DGKH: variants seen among roughly 807,000 people sequenced by gnomAD.
DGKH encodes diacylglycerol kinase eta.
In DGKH, 90 loss-of-function variants were observed where a neutral mutation model predicts 159.3. The ratio of observed to expected loss-of-function variants is 0.57; its 90% CI spans 0.48 to 0.67. The LOEUF (loss-of-function observed/expected upper bound fraction) is 0.67, where lower values mean the gene tolerates loss of function less well. Among genes scored for constraint, DGKH ranks in the 30% least tolerant of loss-of-function variants. The pLI, the probability that DGKH is intolerant of heterozygous loss-of-function variation, is 0.00. For missense variants in DGKH, 1,181 were observed against 1,506.1 expected, an observed-to-expected ratio of 0.78 and a Z score of 3.57; for synonymous variants, 536 against 553.8, an observed-to-expected ratio of 0.97 and a Z score of 0.45.
At chr13:42,155,468 G>T (rs542334578) in intron 4 of DGKH, 73 bp downstream of exon 4, 4 of 1,505,458 alleles carry the variant, frequency 2.7e-6, no homozygotes, top group Admixed American at 1.8e-5. Context: ...GAGCTCTACC[G>T]TGCAAACATA....
intron 6 of DGKH, 105 bp downstream of exon 6, chr13:42,159,477 T>A: frequency 2.5e-6 from 2 of 809,986 alleles, no homozygotes; most frequent in Non-Finnish European, 4.1e-6. Context: ...TATTAGGATT[T>A]AATAGAAGGT....
chr13:42,113,312 G>A (rs1242775181), intron 1 of DGKH, among the ~76,000 whole-genome samples: 2 of 152,112 alleles, frequency 1.3e-5, no homozygotes, highest in East Asian at 1.9e-4. Flanking sequence ...AGTCTTTTAA[G>A]CCTGATAATT....
chr13:42,204,109 C>G (rs566444152), intron 20 of DGKH, among the ~76,000 whole-genome samples: 1 of 152,034 alleles, frequency 6.6e-6, no homozygotes, highest in Non-Finnish European at 1.5e-5. Context: ...TTTTCCATAC[C>G]ATGTTTGCAA....
At chr13:42,071,580 T>G (rs1324624454) in intron 1 of DGKH, among the ~76,000 whole-genome samples, 2 of 152,254 alleles carry the variant, frequency 1.3e-5, no homozygotes, top group African/African-American at 4.8e-5. Context: ...ATTTGCGTTT[T>G]GCTTCTTTTC....
At chr13:42,044,608 C>T (rs144629892), upstream of DGKH, among the ~76,000 whole-genome samples, 526 of 152,244 alleles carry the variant, frequency 3.5e-3, 2 homozygotes, top group African/African-American at 0.012. Context: ...TTTCTTAAAA[C>T]GCAGCCATGT....
intron 20 of DGKH, among the ~76,000 whole-genome samples, chr13:42,200,719 C>T (rs575939474): frequency 1.3e-5 from 2 of 152,288 alleles, no homozygotes; most frequent in South Asian, 4.2e-4. Flanking sequence ...AGGTGTCTCG[C>T]TCATTCTTTA....
At chr13:42,129,003 A>G (rs1287440405) in intron 2 of DGKH, among the ~76,000 whole-genome samples, 1 of 152,242 alleles carries the variant, frequency 6.6e-6, no homozygotes, top group Non-Finnish European at 1.5e-5. Context: ...AGGATTTCCT[A>G]CTTGCTACCT....
At chr13:42,086,580 G>A (rs2137733419) in intron 1 of DGKH, among the ~76,000 whole-genome samples, 1 of 152,206 alleles carries the variant, frequency 6.6e-6, no homozygotes, top group African/African-American at 2.4e-5. Flanking sequence ...TTATACAAAT[G>A]GATTTTTAGA....
At position 42,155,722 on chromosome 13, in the gene DGKH, C is replaced by T; in HGVS notation, c.545C>T (p.Ser182Phe). Residue 182 changes from serine to phenylalanine, a missense_variant, in exon 5 of 30, where the codon TCC (serine) becomes TTC (phenylalanine). Ser to Phe is a radical substitution (Grantham distance 155, BLOSUM62 -2). Transcript: ENST00000337343. ...FSGMHNWYAC[S>F]HARPTFCNVC... ...GGGATGCACAACTGGTACGCCTGCT[C>T]CCACGCCCGACCCACCTTCTGTAAC... 6.2e-7 allele frequency: 1 copy of T among 1,614,132 alleles called. No individual in the cohort carries two copies.
At chr13:42,045,842 A>G (rs1238714309), upstream of DGKH, among the ~76,000 whole-genome samples, 2 of 152,230 alleles carry the variant, frequency 1.3e-5, no homozygotes, top group Non-Finnish European at 2.9e-5. Flanking sequence ...CAATGGGTAT[A>G]AAACCCCTTT....
In DGKH at chr13:42,168,708, A is replaced by G; in HGVS notation, c.1257A>G (p.Thr419=). The stretch of plus-strand genomic sequence containing the variant: ...AGCTGGGAGTGTTGCCTTTGGGTAC[A>G]GGAAATGACCTTGCCCGAGTTCTTG... ...QCQLGVLPLG[T]GNDLARVLGW... Residue 419 remains threonine (T), a synonymous_variant, in exon 11 of 30, where the codon ACA becomes ACG. Transcript: ENST00000337343. 6.2e-7 allele frequency: 1 copy of G among 1,614,212 alleles called. No individual in the cohort carries two copies. Among genetic ancestry groups the G allele is most frequent in the Non-Finnish European group, 8.5e-7 (1 of 1,180,022 alleles).
intron 1 of DGKH, among the ~76,000 whole-genome samples, chr13:42,050,608 C>T (rs1393165293): frequency 6.6e-6 from 1 of 152,046 alleles, no homozygotes; most frequent in Non-Finnish European, 1.5e-5. Context: ...AGGGACTTTC[C>T]TAAAAGTGTT....
At chr13:42,120,755 A>G (rs1223536518) in intron 1 of DGKH, among the ~76,000 whole-genome samples, 1 of 152,204 alleles carries the variant, frequency 6.6e-6, no homozygotes, top group Non-Finnish European at 1.5e-5. Context: ...ATTTTTAGTT[A>G]TGGTAGATCT....
chr13:42,189,397 A>T (rs55656510), intron 15 of DGKH, 88 bp downstream of exon 15: 239,485 of 1,522,838 alleles, frequency 0.16, 20,608 homozygotes, highest in Admixed American at 0.28. Context: ...CAGATTGGAC[A>T]CACTTTTTAA....
chr13:42,081,308 C>T (rs1365971802), intron 1 of DGKH, among the ~76,000 whole-genome samples: 1 of 152,034 alleles, frequency 6.6e-6, no homozygotes, highest in Non-Finnish European at 1.5e-5. Context: ...TGGCTCACTG[C>T]AACTTCTACC....
At chr13:42,225,302 G>A in intron 29 of DGKH, 2 of 1,584,898 alleles carry the variant, frequency 1.3e-6, no homozygotes, top group African/African-American at 1.3e-5. Flanking sequence ...CACAGTAGGA[G>A]AAAAAAGAGA....
intron 30 of DGKH, chr13:42,256,189 T>C (rs878864326): frequency 3.2e-6 from 4 of 1,237,076 alleles, no homozygotes; most frequent in Non-Finnish European, 3.6e-6. Flanking sequence ...CTGTAACAGT[T>C]GGAGGCAGCA....
chr13:42,066,192 A>G (rs2324895), intron 1 of DGKH: 148,267 of 152,372 alleles, frequency 0.97, 72,275 homozygotes, highest in East Asian at 1. Context: ...CACCGCGCCC[A>G]GCCGAAAACA....
chr13:42,194,225 A>G (rs1429567614), intron 16 of DGKH, among the ~76,000 whole-genome samples: 1 of 152,168 alleles, frequency 6.6e-6, no homozygotes, highest in Non-Finnish European at 1.5e-5. Context: ...CTGCAACCTC[A>G]AACTCCTGGG....
Sources: gnomAD v4.1 joint callset for allele counts (sites outside exome capture counted in the v4.1 genomes callset) on GRCh38, gnomAD v4.1.1 for gene constraint, MANE v1.5 for transcripts, NCBI Gene and HGNC (gene_info 2026-07-23, HGNC 2026-07-21) for gene names.